Variants in SUSD2 observed in about 807,000 individuals in gnomAD.
SUSD2 encodes sushi domain-containing protein 2.
SUSD2 carries 86 observed loss-of-function variants against 93.8 expected under a neutral mutation model. That is an observed-to-expected ratio of 0.92 (90% CI 0.77 to 1.10). SUSD2 has a LOEUF of 1.10. Among genes scored for constraint, SUSD2 ranks in the 50% least tolerant of loss-of-function variants. SUSD2 has a pLI of 0.00. For synonymous variants in SUSD2, 483 were observed against 485.0 expected (o/e 1.00, Z 0.05); for missense variants, 1,060 against 1,137.0 (o/e 0.93, Z 0.97).
chr22:24,184,093 C>T (rs376753675), intron 3 of SUSD2, 43 bp from the exon 4 acceptor site: 8 of 1,604,450 alleles, frequency 5.0e-6, no homozygotes, highest in African/African-American at 2.7e-5. Context: ...TCCCTGCTTC[C>T]CTGGGCCCAG....
At position 24,186,346 on chromosome 22, in the gene SUSD2, G is replaced by A. The variant is rs140483621; in HGVS notation, c.1573G>A (p.Gly525Arg). 65 of 1,613,908 alleles carry A rather than the reference G, an allele frequency of 4.0e-5. 1 individual carries two copies. The highest frequency in any genetic ancestry group is 4.8e-5 in the Non-Finnish European group (57 of 1,180,038). The stretch of plus-strand genomic sequence containing the variant: ...GGAAGTCAGGCTGGCCAACAGGACC[G>A]GAGGTCTGGAGGTGCTGCTGAACCA... ...VVEVRLANRT[G>R]GLEVLLNQEV... Residue 525 changes from glycine to arginine, a missense_variant, in exon 10 of 15, where the codon GGA becomes AGA. Gly to Arg is a moderately radical substitution (Grantham distance 125). Transcript: ENST00000358321.
At chr22:24,182,028 T>G (rs143765416) in intron 1 of SUSD2, among the ~76,000 whole-genome samples, 3 of 151,954 alleles carry the variant, frequency 2.0e-5, no homozygotes, top group African/African-American at 7.3e-5. Flanking sequence ...TTGCCACTTA[T>G]CTCACTTGCA....
Position 24,184,808 on chromosome 22 carries a change from T to A in SUSD2, c.650T>A (p.Leu217Gln). The change falls in exon 5 of 15, where the codon CTG (leucine) becomes CAG (glutamine). Residue 217 changes from leucine to glutamine, a missense_variant. Around this residue, in one of 2 missense-constraint regions of SUSD2, gnomAD observed 973 missense variants for 1,005.3 expected, o/e 0.97. Coordinates refer to ENST00000358321, the MANE Select transcript of SUSD2 (RefSeq NM_019601.4). ...GAGTGGACTGCAAAGTGGTCGTACC[T>A]GTACCCCCTGGCCACACACATCCCC... ...SQEWTAKWSY[L>Q]YPLATHIPNS... The A allele has an allele frequency of 6.2e-7, 1 of 1,612,238 alleles. No individual in the cohort carries two copies. Among genetic ancestry groups the A allele is most frequent in the Non-Finnish European group, 8.5e-7 (1 of 1,179,100 alleles).
At chr22:24,185,349 G>A in intron 6 of SUSD2, 54 bp downstream of exon 6, 1 of 1,573,424 alleles carries the variant, frequency 6.4e-7, no homozygotes, top group Admixed American at 1.8e-5. Flanking sequence ...CCTCCCCACT[G>A]AGGACAGCAC....
At chr22:24,182,769 T>C (rs1319777289) in intron 1 of SUSD2, 13 of 385,908 alleles carry the variant, frequency 3.4e-5, no homozygotes, top group Non-Finnish European at 5.7e-5. Context: ...CCCAGGGGCT[T>C]CTCCTGACCC....
rs1212581597 is a variant in SUSD2 at position 24,184,216 on chromosome 22, A to G, written c.520A>G (p.Thr174Ala). Residue 174 changes from threonine (T) to alanine (A), a missense_variant, in exon 4 of 15, where the codon ACC becomes GCC. Transcript: ENST00000358321. ...TRWQYYGTAN[T>A]SGNLSLTWHV... Reference sequence around the variant, plus strand: ...TTGGCAATACTACGGCACCGCCAACACCTCAGGCAACCTCAGCCTGACCTG... The same window carrying G: ...TTGGCAATACTACGGCACCGCCAACGCCTCAGGCAACCTCAGCCTGACCTG... The G allele has an allele frequency of 6.8e-6, 11 of 1,613,534 alleles. No homozygotes were observed. The highest frequency in any genetic ancestry group is 1.7e-4 in the Middle Eastern group (1 of 5,966).
At chr22:24,183,468 C>T (rs2047338559) in intron 2 of SUSD2, 27 bp from the exon 3 acceptor site, 4 of 1,599,566 alleles carry the variant, frequency 2.5e-6, no homozygotes, top group Non-Finnish European at 3.4e-6. Context: ...AATGACCCAG[C>T]CCCTCCCACC....
At chr22:24,184,592 C>T (rs1157146481) in intron 4 of SUSD2, among the ~76,000 whole-genome samples, 174 bp from the exon 5 acceptor site, 1 of 152,036 alleles carries the variant, frequency 6.6e-6, no homozygotes, top group Non-Finnish European at 1.5e-5. Context: ...GACAGGGATC[C>T]TGGAGTGTGG....
At chr22:24,184,531 A>G (rs1343434447) in intron 4 of SUSD2, among the ~76,000 whole-genome samples, 2 of 152,090 alleles carry the variant, frequency 1.3e-5, no homozygotes, top group African/African-American at 4.8e-5. Context: ...GAGGAGGCTC[A>G]TGAGGAACCC....
chr22:24,183,768 G>C, intron 3 of SUSD2, 122 bp downstream of exon 3: 1 of 1,108,096 alleles, frequency 9.0e-7, no homozygotes, highest in Non-Finnish European at 1.3e-6. Flanking sequence ...CCCTTGGGAG[G>C]CCTGCCCGCC....
intron 5 of SUSD2, 58 bp from the exon 6 acceptor site, chr22:24,185,036 G>A: frequency 6.2e-7 from 1 of 1,611,422 alleles, no homozygotes; most frequent in South Asian, 1.1e-5. Flanking sequence ...GGTGGGGAGA[G>A]TGGGGCGACC....
chr22:24,185,802 C>T lies in SUSD2; in HGVS notation c.1212C>T (p.Pro404=). The change falls in exon 8 of 15, where the codon CCC becomes CCT. Residue 404 remains proline (P), a synonymous_variant. Transcript: ENST00000358321. The part of the protein sequence containing the change: ...APPFRTPPRV[P]SMSHWLYDVL... ...CGTTCCGCACGCCACCCCGAGTGCC[C>T]AGCATGTCCCACTGGCTCTACGATG... 1 of 1,610,544 alleles carries T rather than the reference C, an allele frequency of 6.2e-7. No homozygotes were observed. The highest frequency in any genetic ancestry group is 8.5e-7 in the Non-Finnish European group (1 of 1,178,830).
At chr22:24,186,783 C>T (rs1259767140) in intron 10 of SUSD2, 7 of 397,992 alleles carry the variant, frequency 1.8e-5, no homozygotes, top group African/African-American at 6.0e-5. Flanking sequence ...ATGCCCCTGG[C>T]AAGTGGTAGC....
chr22:24,187,506 C>T, intron 11 of SUSD2, 56 bp downstream of exon 11: 1 of 1,604,824 alleles, frequency 6.2e-7, no homozygotes, highest in Non-Finnish European at 8.5e-7. Context: ...GGAAACATGG[C>T]ACGGGCAGGG....
chr22:24,184,682 C>T (rs1259238071), intron 4 of SUSD2, 84 bp from the exon 5 acceptor site: 127 of 1,178,058 alleles, frequency 1.1e-4, no homozygotes, highest in Non-Finnish European at 1.5e-4. Flanking sequence ...TCCATCCACC[C>T]ATCTGTCAGG....
rs764730100 is a variant in SUSD2, at chr22:24,185,531, C to T, written c.1030C>T (p.His344Tyr). 3 of 1,581,782 alleles carry T rather than the reference C, an allele frequency of 1.9e-6. No individual in the cohort carries two copies. Among genetic ancestry groups the T allele is most frequent in the Non-Finnish European group, 2.6e-6 (3 of 1,163,976 alleles). The change falls in exon 7 of 15, where the codon CAC (histidine) becomes TAC (tyrosine). Residue 344 changes from histidine (H) to tyrosine (Y), a missense_variant. By Grantham distance (83) the His-to-Tyr change is moderately conservative. This residue lies in a region of SUSD2 where 973 missense variants were observed against 1,005.3 expected (regional missense o/e 0.97). Coordinates refer to ENST00000358321, the MANE Select transcript of SUSD2 (RefSeq NM_019601.4). ...GGAGCAGGGCAGCGTGTGCACCTAC[C>T]ACCCCGGGGCCGTGCACTGTGTGCG... Reference protein sequence around the residue: ...DMEQGSVCTYHPGAVHCVRSV... With the variant: ...DMEQGSVCTYYPGAVHCVRSV...
rs370061442 is a variant in SUSD2 at position 24,183,581 on chromosome 22, G to A, written c.374G>A (p.Arg125His). 35 of 1,613,278 alleles carry A rather than the reference G, an allele frequency of 2.2e-5. No individual in the cohort carries two copies. The highest frequency in any genetic ancestry group is 3.3e-5 in the South Asian group (3 of 91,080). ...TCACCTCTGCTCTATGAGAGCGGCC[G>A]CATCCCCTTCACTGTGTCACTGGAC... ...CVSPLLYESG[R>H]IPFTVSLDNG... The change falls in exon 3 of 15, where the codon CGC (arginine) becomes CAC (histidine). Residue 125 changes from arginine to histidine, a missense_variant. Physicochemically the swap from Arg to His is conservative, Grantham distance 29 (BLOSUM62 0). Coordinates refer to ENST00000358321, the MANE Select transcript of SUSD2 (RefSeq NM_019601.4).
intron 1 of SUSD2, chr22:24,182,567 C>G (rs1314578101): frequency 5.7e-6 from 1 of 174,664 alleles, no homozygotes; most frequent in Non-Finnish European, 1.2e-5. Flanking sequence ...AAATGAGACT[C>G]TTGGCAGCCA....
chr22:24,187,084 C>T (rs1039574641), intron 10 of SUSD2, 118 bp from the exon 11 acceptor site: 2 of 1,388,424 alleles, frequency 1.4e-6, no homozygotes, highest in African/African-American at 1.4e-5. Flanking sequence ...AACGCCCTCC[C>T]TTCCCCTGCA....
Sources: allele counts gnomAD v4.1 joint callset (sites outside exome capture counted in the v4.1 genomes callset), GRCh38; gene constraint gnomAD v4.1.1; regional missense constraint gnomAD v4.1.1; transcripts MANE v1.5; gene names NCBI Gene and HGNC (gene_info 2026-07-23, HGNC 2026-07-21).